KAZN: variants seen among roughly 807,000 people sequenced by gnomAD.
The protein encoded by KAZN is kazrin.
Under a neutral mutation model 87.4 loss-of-function variants are expected in KAZN, and 40 were observed. The ratio of observed to expected loss-of-function variants is 0.46; its 90% CI spans 0.36 to 0.60. The LOEUF is 0.60. Ranked by LOEUF, KAZN falls within the 20% of genes least tolerant of loss-of-function variation. The probability of loss-of-function intolerance (pLI) is 0.00; values close to 1 mark genes in which losing one functional copy is unlikely to be tolerated. For synonymous variants in KAZN, 466 were observed against 458.3 expected (o/e 1.02, Z -0.22); for missense variants, 898 against 1,073.9 (o/e 0.84, Z 2.29).
At chr1:14,225,787 G>A (rs1258614857) in intron 2 of KAZN, among the ~76,000 whole-genome samples, 3 of 152,076 alleles carry the variant, frequency 2.0e-5, no homozygotes, top group African/African-American at 7.2e-5. Flanking sequence ...AAGTGGTACT[G>A]GAATAATTGG....
intron 1 of KAZN, among the ~76,000 whole-genome samples, chr1:14,803,508 A>G (rs57098612): frequency 0.013 from 1,958 of 152,278 alleles, 46 homozygotes; most frequent in African/African-American, 0.045. Context: ...TGGGCGGGAG[A>G]GGGCCCCATG....
chr1:14,311,865 T>G (rs1655329514), intron 2 of KAZN, among the ~76,000 whole-genome samples: 1 of 152,110 alleles, frequency 6.6e-6, no homozygotes, highest in Non-Finnish European at 1.5e-5. Flanking sequence ...CATGACCATG[T>G]GGCTAATAAA....
intron 1 of KAZN, among the ~76,000 whole-genome samples, chr1:14,026,662 G>A (rs1641085621): frequency 6.6e-6 from 1 of 152,120 alleles, no homozygotes; most frequent in Non-Finnish European, 1.5e-5. Context: ...ATCTCCTGGG[G>A]ATTTTGTTAA....
chr1:14,626,883 C>T (rs931594025), intron 1 of KAZN, among the ~76,000 whole-genome samples: 4 of 152,214 alleles, frequency 2.6e-5, no homozygotes, highest in Non-Finnish European at 5.9e-5. Flanking sequence ...AAACATTCCA[C>T]TGATCCTTAA....
intron 2 of KAZN, among the ~76,000 whole-genome samples, chr1:14,510,444 A>G (rs1305112476): frequency 6.6e-6 from 1 of 151,912 alleles, no homozygotes; most frequent in Non-Finnish European, 1.5e-5. Flanking sequence ...TTTTTTGTAT[A>G]AGTATGTCCC....
chr1:14,372,067 T>C (rs1660530721), intron 2 of KAZN, among the ~76,000 whole-genome samples: 1 of 152,240 alleles, frequency 6.6e-6, no homozygotes, highest in Non-Finnish European at 1.5e-5. Flanking sequence ...TTCATTTTGG[T>C]AGATCTGAAC....
chr1:14,346,681 G>A (rs769385500), intron 2 of KAZN, among the ~76,000 whole-genome samples: 10 of 152,020 alleles, frequency 6.6e-5, no homozygotes, highest in African/African-American at 7.2e-5. Context: ...TTGAGGTGGC[G>A]CCCAGGACAC....
chr1:15,078,527 C>G (rs866225233), intron 8 of KAZN, among the ~76,000 whole-genome samples: 5 of 152,278 alleles, frequency 3.3e-5, no homozygotes, highest in Admixed American at 6.5e-5. Context: ...TAGGATAAGG[C>G]TTTGTTCTCT....
At chr1:14,507,915 C>T (rs1670675353) in intron 2 of KAZN, among the ~76,000 whole-genome samples, 1 of 151,550 alleles carries the variant, frequency 6.6e-6, no homozygotes, top group Admixed American at 6.6e-5. Context: ...TGCAGTGAGT[C>T]GAGATCGCGC....
chr1:14,651,770 A>C (rs1240885994), intron 1 of KAZN, among the ~76,000 whole-genome samples: 1 of 152,228 alleles, frequency 6.6e-6, no homozygotes, highest in African/African-American at 2.4e-5. Flanking sequence ...GACAAAGCAT[A>C]ATGTAGCTCA....
chr1:14,424,045 A>C (rs1665579207), intron 2 of KAZN, among the ~76,000 whole-genome samples: 1 of 152,158 alleles, frequency 6.6e-6, no homozygotes, highest in East Asian at 1.9e-4. Context: ...CTCTGACCCA[A>C]TACAACAAAT....
chr1:14,343,018 G>A (rs1657852034), intron 2 of KAZN, among the ~76,000 whole-genome samples: 1 of 152,112 alleles, frequency 6.6e-6, no homozygotes, highest in South Asian at 2.1e-4. Flanking sequence ...GCAGGCGCCT[G>A]TAATCCCAGC....
At chr1:14,447,208 CATTATTATTATTATT>C (rs55650123) in intron 2 of KAZN, among the ~76,000 whole-genome samples, 82 of 131,178 alleles carry the variant, frequency 6.3e-4, no homozygotes, top group Non-Finnish European at 9.4e-4. Flanking sequence ...GTTTCCACCA[CATTATTATTATTATT>C]ATTATTATTA....
intron 1 of KAZN, among the ~76,000 whole-genome samples, chr1:13,909,681 C>T (rs973234590): frequency 6.6e-6 from 1 of 152,112 alleles, no homozygotes; most frequent in Non-Finnish European, 1.5e-5. Context: ...TCTTTCTTGG[C>T]TGCTTCTTAT....
At chr1:14,849,853 G>C (rs745998450) in intron 1 of KAZN, among the ~76,000 whole-genome samples, 2 of 151,944 alleles carry the variant, frequency 1.3e-5, no homozygotes, top group African/African-American at 4.8e-5. Context: ...GGCTCCCCCA[G>C]ATAGCTTAGC....
chr1:14,524,032 GTTTTT>G (rs1160346505), intron 2 of KAZN, among the ~76,000 whole-genome samples: 1 of 148,446 alleles, frequency 6.7e-6, no homozygotes, highest in Non-Finnish European at 1.5e-5. Flanking sequence ...GTTTTGTTTT[GTTTTT>G]ATGAGACAGA....
intron 1 of KAZN, among the ~76,000 whole-genome samples, chr1:14,913,742 G>C (rs1349600854): frequency 6.6e-6 from 1 of 152,240 alleles, no homozygotes; most frequent in Non-Finnish European, 1.5e-5. Flanking sequence ...TGTGTGCTCT[G>C]CCTTGAGTTG....
intron 2 of KAZN, among the ~76,000 whole-genome samples, chr1:14,565,137 A>T (rs893609326): frequency 1.3e-5 from 2 of 152,170 alleles, no homozygotes; most frequent in Non-Finnish European, 2.9e-5. Context: ...ACCCCTAGGT[A>T]TCTTCCCTAA....
chr1:14,341,852 AG>A (rs756389709), intron 2 of KAZN, among the ~76,000 whole-genome samples: 1 of 152,130 alleles, frequency 6.6e-6, no homozygotes, highest in Non-Finnish European at 1.5e-5. Flanking sequence ...TTTTGTGTTC[AG>A]GGGTACTTGT....
Sources: allele counts gnomAD v4.1 joint callset (sites outside exome capture counted in the v4.1 genomes callset), GRCh38; gene constraint gnomAD v4.1.1; transcripts MANE v1.5; gene names NCBI Gene and HGNC (gene_info 2026-07-23, HGNC 2026-07-21).